The following NDUFS2 variants were observed in gnomAD, a reference collection of about 807,000 sequenced individuals.
The protein encoded by NDUFS2 is NADH:ubiquinone oxidoreductase core subunit S2.
In NDUFS2, 38 loss-of-function variants were observed where a neutral mutation model predicts 69.6. The observed-to-expected ratio is 0.55, with a 90% CI of 0.42 to 0.72. NDUFS2 has a LOEUF of 0.72. Ranked by LOEUF, NDUFS2 falls within the 30% of genes least tolerant of loss-of-function variation. The probability of loss-of-function intolerance (pLI) is 0.00; values close to 1 mark genes in which losing one functional copy is unlikely to be tolerated. For missense variants in NDUFS2, 468 were observed against 595.0 expected (o/e 0.79, Z 2.22); for synonymous variants, 194 against 211.2 (o/e 0.92, Z 0.70).
In NDUFS2 at chr1:161,212,467, G is replaced by A. The variant is rs138511480; in HGVS notation, c.1103G>A (p.Arg368Gln). 2.6e-5 allele frequency: 42 copies of A among 1,613,108 alleles called. No homozygotes were observed. Among genetic ancestry groups the A allele is most frequent in the Non-Finnish European group, 3.1e-5 (37 of 1,179,854 alleles). Reference sequence around the variant, plus strand: ...GATGCCAAAGTGTCTCCACCTAAGCGAGCAGAGATGAAGGTTGGCTGCAGG... The same window carrying A: ...GATGCCAAAGTGTCTCCACCTAAGCAAGCAGAGATGAAGGTTGGCTGCAGG... ...VDDAKVSPPK[R>Q]AEMKTSMESL... Residue 368 changes from arginine (R) to glutamine (Q), a missense_variant, in exon 10 of 14, where the codon CGA becomes CAA. Coordinates refer to ENST00000676972, the MANE Select transcript of NDUFS2 (RefSeq NM_001377299.1).
chr1:161,201,650 C>T (rs930359973), upstream of NDUFS2, among the ~76,000 whole-genome samples: 2 of 152,214 alleles, frequency 1.3e-5, no homozygotes, highest in Admixed American at 6.5e-5. Context: ...TCTCTAAGGG[C>T]GCTTCCTGGG....
rs750025366 is a variant in NDUFS2, at chr1:161,206,399, C to T, written c.203-8C>T. The T allele has an allele frequency of 3.7e-6, 6 of 1,614,032 alleles. No individual in the cohort carries two copies. The African/African-American group carries it at 4.0e-5, about 11-fold the overall frequency. ...CCATGTGGCTCTGAACTATTTCTTA[C>T]TTCTCAGATGTGGACCCTCCAAAGG... On this transcript the variant is annotated splice_polypyrimidine_tract_variant and splice_region_variant and intron_variant, in intron 2 of 13. Transcript: ENST00000676972.
At position 161,210,573 on chromosome 1, in the gene NDUFS2, C is replaced by G; in HGVS notation, c.867-18C>G. Reference sequence around the variant, plus strand: ...AGTTTGTGGAGAGTGGCCCTTATTCCCATTATGCTCTCCACAGTGGAGTGA... The same window carrying G: ...AGTTTGTGGAGAGTGGCCCTTATTCGCATTATGCTCTCCACAGTGGAGTGA... On this transcript the variant is annotated intron_variant, in intron 8 of 13. Coordinates refer to ENST00000676972, the MANE Select transcript of NDUFS2 (RefSeq NM_001377299.1). 6.2e-7 allele frequency: 1 copy of G among 1,614,036 alleles called. No individual in the cohort carries two copies.
At chr1:161,202,251 C>A, upstream of NDUFS2, 1 of 823,528 alleles carries the variant, frequency 1.2e-6, no homozygotes, top group South Asian at 1.4e-5. Context: ...CGGATGTTGT[C>A]AGTTCGACGG....
intron 1 of NDUFS2, among the ~76,000 whole-genome samples, chr1:161,202,792 C>T (rs1665218460): frequency 6.6e-6 from 1 of 152,182 alleles, no homozygotes; most frequent in African/African-American, 2.4e-5. Flanking sequence ...GTCTCTCTGT[C>T]GTTGACCTTG....
At chr1:161,198,731 C>A (rs916216377), upstream of NDUFS2, 4 of 1,142,538 alleles carry the variant, frequency 3.5e-6, no homozygotes, top group South Asian at 5.1e-5. The surrounding 1 kb of genome is among the most constrained non-coding windows in gnomAD (Gnocchi z 4.7). Context: ...GGCTTGGACT[C>A]CTGCCAAGGT....
chr1:161,212,464 A>C lies in NDUFS2; in HGVS notation c.1100A>C (p.Lys367Thr), dbSNP rs1665825173. 6.2e-7 allele frequency: 1 copy of C among 1,613,468 alleles called. No individual in the cohort carries two copies. Among genetic ancestry groups the C allele is most frequent in the Non-Finnish European group, 8.5e-7 (1 of 1,179,864 alleles). Residue 367 changes from lysine to threonine, a missense_variant, in exon 10 of 14, where the codon AAG (lysine) becomes ACG (threonine). Transcript: ENST00000676972. ...GATGATGCCAAAGTGTCTCCACCTA[A>C]GCGAGCAGAGATGAAGGTTGGCTGC... ...KVDDAKVSPP[K>T]RAEMKTSMES...
At chr1:161,208,854 G>A (rs1665618006) in intron 3 of NDUFS2, among the ~76,000 whole-genome samples, 1 of 152,138 alleles carries the variant, frequency 6.6e-6, no homozygotes, top group Non-Finnish European at 1.5e-5. Context: ...TGTCTGTATG[G>A]TGGAAATACT....
intron 3 of NDUFS2, 28 bp from the exon 4 acceptor site, chr1:161,209,165 T>A: frequency 6.2e-7 from 1 of 1,614,188 alleles, no homozygotes; most frequent in Non-Finnish European, 8.5e-7. Context: ...GCCTGTTAGA[T>A]GTGACCCACA....
intron 13 of NDUFS2, 81 bp from the exon 14 acceptor site, chr1:161,214,075 G>C: frequency 6.2e-7 from 1 of 1,613,504 alleles, no homozygotes; most frequent in Non-Finnish European, 8.5e-7. Context: ...TGGATCTTGG[G>C]TAACACCACT....
chr1:161,213,558 T>C lies in NDUFS2; in HGVS notation c.1212+83T>C, dbSNP rs545893006. 526 of 1,540,888 alleles carry C rather than the reference T, an allele frequency of 3.4e-4. 1 individual carries two copies. The African/African-American group carries it at 6.6e-3, about 19-fold the overall frequency. On this transcript the variant is annotated intron_variant, in intron 11 of 13. Transcript: ENST00000676972. Reference sequence around the variant, plus strand: ...GTTTAACAAATAGCTCATTCATCAATGAGAGAGAAAACAGAATGAATAGAG... The same window carrying C: ...GTTTAACAAATAGCTCATTCATCAACGAGAGAGAAAACAGAATGAATAGAG...
rs574270602 is a variant in NDUFS2 at position 161,208,273 on chromosome 1, C to T, written c.394-920C>T. Among the ~76,000 whole-genome samples, 299 of 151,104 alleles carry T rather than the reference C, an allele frequency of 2.0e-3. 1 individual carries two copies. The highest frequency in any genetic ancestry group is 6.6e-3 in the African/African-American group (270 of 41,102). ...TGCTGGGATTACAGGTGTGAGCCAC[C>T]GCGCCTGACCAGTATGTCAGTTTTT... On this transcript the variant is annotated intron_variant, in intron 3 of 13. Coordinates refer to ENST00000676972, the MANE Select transcript of NDUFS2 (RefSeq NM_001377299.1).
intron 2 of NDUFS2, among the ~76,000 whole-genome samples, chr1:161,204,334 G>A (rs1665338611): frequency 6.6e-6 from 1 of 152,132 alleles, no homozygotes; most frequent in Non-Finnish European, 1.5e-5. Flanking sequence ...ATCTTTGGCT[G>A]TTTTATCTTG....
intron 1 of NDUFS2, 84 bp from the exon 2 acceptor site, chr1:161,203,353 C>T (rs1558082096): frequency 5.0e-6 from 6 of 1,191,034 alleles, no homozygotes; most frequent in Non-Finnish European, 7.5e-6. Context: ...GTCATCCTTC[C>T]TGGGTCCCCT....
At chr1:161,198,602 C>T (rs1412095943), upstream of NDUFS2, 2 of 1,538,212 alleles carry the variant, frequency 1.3e-6, no homozygotes, top group South Asian at 2.5e-5. The surrounding 1 kb of genome is among the most constrained non-coding windows in gnomAD (Gnocchi z 4.7). Context: ...CAAGCCCCTC[C>T]CGGGATGCGA....
Position 161,202,419 on chromosome 1 carries a change from G to A in NDUFS2, c.34G>A (p.Gly12Ser). Residue 12 changes from glycine to serine, a missense_variant, in exon 1 of 14, where the codon GGC (glycine) becomes AGC (serine). Transcript: ENST00000676972. ...AALRALCGFR[G>S]VAAQVLRPGA... ...GCTGAGGGCTTTGTGCGGCTTCCGG[G>A]GCGTCGCGGCCCAGGTGCTGCGGCC... 1 of 1,612,932 alleles carries A rather than the reference G, an allele frequency of 6.2e-7. No individual in the cohort carries two copies. Among genetic ancestry groups the A allele is most frequent in the South Asian group, 1.1e-5 (1 of 90,702 alleles).
At chr1:161,202,083 C>A (rs1185377797), upstream of NDUFS2, 1 of 481,762 alleles carries the variant, frequency 2.1e-6, no homozygotes, top group Admixed American at 3.3e-5. Context: ...CAGGCGGGCT[C>A]GGCGAGAGAG....
intron 13 of NDUFS2, 94 bp downstream of exon 13, chr1:161,214,015 G>A: frequency 6.2e-7 from 1 of 1,613,594 alleles, no homozygotes; most frequent in Non-Finnish European, 8.5e-7. Flanking sequence ...TTCACCATAG[G>A]CCATGGCATG....
chr1:161,197,896 C>T (rs1055709477), upstream of NDUFS2: 40 of 1,481,898 alleles, frequency 2.7e-5, no homozygotes, highest in East Asian at 4.6e-5. Flanking sequence ...GGAAGCAGAA[C>T]GGCCAGAAGT....
Sources: gnomAD v4.1 joint callset for allele counts (sites outside exome capture counted in the v4.1 genomes callset) on GRCh38, gnomAD v4.1.1 for gene constraint, Gnocchi (gnomAD v3.1) non-coding constraint, MANE v1.5 for transcripts, NCBI Gene and HGNC (gene_info 2026-07-23, HGNC 2026-07-21) for gene names.